The following HS1BP3 variants were observed in gnomAD, a reference collection of about 807,000 sequenced individuals.
The protein encoded by HS1BP3 is HCLS1 binding protein 3.
A neutral mutation model predicts 33.5 loss-of-function variants in HS1BP3; 32 were observed. That is an observed-to-expected ratio of 0.95 (90% CI 0.72 to 1.28). HS1BP3 has a LOEUF of 1.28. Ranked by LOEUF, HS1BP3 falls within the 50% of genes most tolerant of loss-of-function variation. The probability of loss-of-function intolerance (pLI) is 0.00; values close to 1 mark genes in which losing one functional copy is unlikely to be tolerated. For synonymous variants in HS1BP3, 187 were observed against 209.2 expected (o/e 0.89, Z 0.92); for missense variants, 486 against 502.3 (o/e 0.97, Z 0.31).
In HS1BP3 at chr2:20,594,254, G is replaced by A. The variant is rs79753797; in HGVS notation, c.*13-1460C>T. On this transcript the variant is annotated intron_variant, in intron 3 of 3. Coordinates refer to the HS1BP3 transcript ENST00000415264. The stretch of plus-strand genomic sequence containing the variant: ...GTGGGGAGAGTGGGGGCCCAGGTGT[G>A]CTAAGGCTGGGTTAGATGCTTTGTG... 6.5e-3 allele frequency among the ~76,000 whole-genome samples: 994 copies of A among 152,354 alleles called. 10 individuals carry two copies. Among genetic ancestry groups the A allele is most frequent in the African/African-American group, 0.022 (920 of 41,576 alleles).
At chr2:20,582,461 G>T (rs960624486) in intron 5 of HS1BP3, among the ~76,000 whole-genome samples, 2 of 152,086 alleles carry the variant, frequency 1.3e-5, no homozygotes, top group East Asian at 1.9e-4. Flanking sequence ...GTGAGGGAGG[G>T]GTGGGGGTAG....
chr2:20,638,216 G>T, intron 4 of HS1BP3: 1 of 596,258 alleles, frequency 1.7e-6, no homozygotes. Context: ...CCCGAGAAGG[G>T]AGGCGACACC....
intron 4 of HS1BP3, among the ~76,000 whole-genome samples, chr2:20,631,961 A>G (rs1234753432): frequency 6.6e-6 from 1 of 152,244 alleles, no homozygotes; most frequent in Non-Finnish European, 1.5e-5. Context: ...CAGCCTCTGC[A>G]GCAGTCAGCC....
downstream of HS1BP3, among the ~76,000 whole-genome samples, chr2:20,556,229 C>G (rs1373930626): frequency 2.0e-5 from 3 of 152,130 alleles, no homozygotes; most frequent in Admixed American, 2.0e-4. Flanking sequence ...GTACTTCTTC[C>G]TCACTTTGCT....
the HS1BP3 span, among the ~76,000 whole-genome samples, chr2:20,554,597 C>T: frequency 6.6e-6 from 1 of 151,930 alleles, no homozygotes; most frequent in Non-Finnish European, 1.5e-5. Flanking sequence ...GTGGTGGGTA[C>T]CTGTAATCCA....
intron 2 of HS1BP3, among the ~76,000 whole-genome samples, chr2:20,604,752 A>C (rs1232997333): frequency 1.3e-5 from 2 of 152,162 alleles, no homozygotes; most frequent in Non-Finnish European, 2.9e-5. Flanking sequence ...CAGTTTCTTC[A>C]TGCCAGAAGC....
At chr2:20,631,386 A>C (rs1572350555) in intron 4 of HS1BP3, among the ~76,000 whole-genome samples, 1 of 151,926 alleles carries the variant, frequency 6.6e-6, no homozygotes, top group South Asian at 2.1e-4. Context: ...ATGGTAGTGC[A>C]TGCCTGTAGT....
Position 20,626,389 on chromosome 2 carries a change from G to A in HS1BP3, c.624-1497C>T, listed in dbSNP as rs189154221. Reference sequence around the variant, plus strand: ...CAGGGGAAGGATCTCTGCAGGGCTCGTTTGTTGGATGAGGAAACAGTGGTC... The same window carrying A: ...CAGGGGAAGGATCTCTGCAGGGCTCATTTGTTGGATGAGGAAACAGTGGTC... On this transcript the variant is annotated intron_variant, in intron 4 of 6. Transcript: ENST00000304031. Among the ~76,000 whole-genome samples, 533 of 152,362 alleles carry A rather than the reference G, an allele frequency of 3.5e-3. 2 individuals carry two copies. Among genetic ancestry groups the A allele is most frequent in the Non-Finnish European group, 5.5e-3 (373 of 68,040 alleles).
At chr2:20,629,420 C>T (rs1185237921) in intron 4 of HS1BP3, among the ~76,000 whole-genome samples, 2 of 152,192 alleles carry the variant, frequency 1.3e-5, no homozygotes, top group African/African-American at 4.8e-5. Context: ...GGAGACAAAG[C>T]CCCTCACTGA....
downstream of HS1BP3, among the ~76,000 whole-genome samples, chr2:20,591,680 T>G (rs2149279293): frequency 6.6e-6 from 1 of 152,322 alleles, no homozygotes; most frequent in African/African-American, 2.4e-5. Context: ...CAAGTGATTC[T>G]CATGCCTCAG....
At position 20,645,436 on chromosome 2, in the gene HS1BP3, C is replaced by G. The variant is rs368333954; in HGVS notation, c.102G>C (p.Met34Ile). ...TCTGGTACTCCACGTGTCCAGACAT[C>G]ATCTTGCCCCGTACCTCCTGGTGCT... ...VPQHQEVRGK[M>I]MSGHVEYQIL... Residue 34 changes from methionine (M) to isoleucine (I), a missense_variant, in exon 2 of 7, where the codon ATG (methionine) becomes ATC (isoleucine). Met to Ile is a conservative substitution (Grantham distance 10). Transcript: ENST00000304031. The G allele has an allele frequency of 6.2e-7, 1 of 1,614,082 alleles. No individual in the cohort carries two copies. Among genetic ancestry groups the G allele is most frequent in the African/African-American group, 1.3e-5 (1 of 74,956 alleles).
At chr2:20,583,550 G>A (rs1693585677) in intron 5 of HS1BP3, among the ~76,000 whole-genome samples, 1 of 152,192 alleles carries the variant, frequency 6.6e-6, no homozygotes, top group African/African-American at 2.4e-5. Context: ...CTGAAGCCTG[G>A]CACCGCTCCT....
At chr2:20,557,445 T>A (rs1234556128), downstream of HS1BP3, among the ~76,000 whole-genome samples, 3 of 152,236 alleles carry the variant, frequency 2.0e-5, no homozygotes, top group African/African-American at 7.2e-5. Context: ...GGTTGTGACT[T>A]CTTTGATCTG....
chr2:20,633,748 C>T (rs1248763175), intron 4 of HS1BP3, among the ~76,000 whole-genome samples: 1 of 152,220 alleles, frequency 6.6e-6, no homozygotes, highest in East Asian at 1.9e-4. Flanking sequence ...GTCTTGAACT[C>T]CTGATCTCAA....
At chr2:20,647,963 C>A (rs1322950405) in intron 1 of HS1BP3, among the ~76,000 whole-genome samples, 1 of 152,224 alleles carries the variant, frequency 6.6e-6, no homozygotes, top group Admixed American at 6.5e-5. Context: ...ACATCCTAGG[C>A]TTCGCTGTCA....
rs756522204 is a variant in HS1BP3, at chr2:20,619,099, A to T, written c.1067T>A (p.Val356Glu). The T allele has an allele frequency of 1.2e-6, 2 of 1,614,078 alleles. No homozygotes were observed. Among genetic ancestry groups the T allele is most frequent in the Middle Eastern group, 1.6e-4 (1 of 6,062 alleles). ...VPPKAGPAEAVAGQQKPQEQI... is the reference protein window; with the variant it reads ...VPPKAGPAEAEAGQQKPQEQI... ...CTCCTGCGGCTTCTGCTGCCCAGCCACAGCTTCAGCCGGGCCCGCTTTGGG... is the reference window on the plus strand; with the variant it reads ...CTCCTGCGGCTTCTGCTGCCCAGCCTCAGCTTCAGCCGGGCCCGCTTTGGG... The change falls in exon 7 of 7, where the codon GTG becomes GAG. Residue 356 changes from valine (V) to glutamate (E), a missense_variant. By Grantham distance (121) the Val-to-Glu change is moderately radical. Transcript: ENST00000304031.
intron 3 of HS1BP3, among the ~76,000 whole-genome samples, chr2:20,594,035 C>T (rs987922750): frequency 2.6e-5 from 4 of 152,218 alleles, no homozygotes; most frequent in Admixed American, 6.5e-5. Flanking sequence ...AATTTCCTTC[C>T]TGTTGCTGGT....
chr2:20,569,347 T>A (rs1693211152), intron 5 of HS1BP3, among the ~76,000 whole-genome samples: 1 of 152,228 alleles, frequency 6.6e-6, no homozygotes, highest in African/African-American at 2.4e-5. Flanking sequence ...CTGCTGGGGC[T>A]TTTGTTGTTT....
intron 3 of HS1BP3, among the ~76,000 whole-genome samples, chr2:20,595,404 G>A (rs1442433696): frequency 2.0e-5 from 3 of 152,178 alleles, no homozygotes; most frequent in African/African-American, 7.2e-5. Context: ...ACCAGGAGCA[G>A]AACCCTATCA....
Sources: allele counts gnomAD v4.1 joint callset (sites outside exome capture counted in the v4.1 genomes callset), GRCh38; gene constraint gnomAD v4.1.1; transcripts MANE v1.5; gene names NCBI Gene and HGNC (gene_info 2026-07-23, HGNC 2026-07-21).